The following PHPT1 variants were observed in gnomAD, a reference collection of about 807,000 sequenced individuals.
PHPT1 encodes the protein phosphohistidine phosphatase 1.
A neutral mutation model predicts 15.6 loss-of-function variants in PHPT1; 16 were observed. The ratio of observed to expected loss-of-function variants is 1.03; its 90% CI spans 0.70 to 1.56. The LOEUF is 1.56. Ranked by LOEUF, PHPT1 falls within the 40% of genes most tolerant of loss-of-function variation. PHPT1 has a pLI of 0.00. For missense variants in PHPT1, 228 were observed against 171.0 expected, an observed-to-expected ratio of 1.33 and a Z score of -1.86; for synonymous variants, 102 against 68.1, an observed-to-expected ratio of 1.50 and a Z score of -2.45.
chr9:136,850,411 C>T (rs931402345), intron 2 of PHPT1: 29 of 1,174,946 alleles, frequency 2.5e-5, no homozygotes, highest in African/African-American at 1.2e-4. Context: ...CTCTAGCTGT[C>T]CTCCAGCACT....
chr9:136,850,623 G>C, intron 2 of PHPT1, 132 bp from the exon 3 acceptor site: 1 of 1,540,870 alleles, frequency 6.5e-7, no homozygotes, highest in Non-Finnish European at 8.9e-7. Context: ...CGGGATGGTG[G>C]GTTTGGCATC....
intron 2 of PHPT1, 200 bp downstream of exon 2, chr9:136,850,337 T>G (rs1309322463): frequency 2.4e-6 from 2 of 838,642 alleles, no homozygotes; most frequent in Non-Finnish European, 1.9e-6. Context: ...ACCTGAGGGG[T>G]GGGACGGACA....
rs745638914 is a variant in PHPT1 at position 136,850,802 on chromosome 9, C to G, written c.333C>G (p.Ala111=). The G allele has an allele frequency of 7.4e-6, 12 of 1,613,150 alleles. No individual in the cohort carries two copies. Among genetic ancestry groups the G allele is most frequent in the African/African-American group, 1.3e-5 (1 of 74,932 alleles). The change falls in exon 3 of 3, where the codon GCC becomes GCG. Residue 111 remains alanine (A), a synonymous_variant. Transcript: ENST00000247665. The part of the protein sequence containing the change: ...QHAISTEKIK[A]KYPDYEVTWA... Reference sequence around the variant, plus strand: ...CCATTTCAACTGAGAAAATCAAAGCCAAGTACCCCGACTACGAGGTCACCT... The same window carrying G: ...CCATTTCAACTGAGAAAATCAAAGCGAAGTACCCCGACTACGAGGTCACCT...
intron 2 of PHPT1, 192 bp downstream of exon 2, chr9:136,850,329 C>A (rs1387653825): frequency 2.3e-6 from 2 of 859,686 alleles, no homozygotes; most frequent in Non-Finnish European, 3.7e-6. Context: ...CACGCCAGAC[C>A]TGAGGGGTGG....
At chr9:136,850,317 C>A in intron 2 of PHPT1, 180 bp downstream of exon 2, 1 of 875,850 alleles carries the variant, frequency 1.1e-6, no homozygotes, top group Non-Finnish European at 1.8e-6. Flanking sequence ...CCCCATGGAG[C>A]ACACGCCAGA....
chr9:136,850,930 C>T lies in PHPT1; in HGVS notation c.*83C>T. On this transcript the variant is annotated 3_prime_UTR_variant, in exon 3 of 3. Coordinates refer to ENST00000247665, the MANE Select transcript of PHPT1 (RefSeq NM_014172.6). ...CCTGCACTCCTCTTGCAGGGCTGGC[C>T]CTGCCTGCTCCTGCGGCAGCCTCTG... 1.0e-6 allele frequency: 1 copy of T among 1,003,088 alleles called. No homozygotes were observed. Among genetic ancestry groups the T allele is most frequent in the South Asian group, 1.3e-5 (1 of 78,848 alleles). The allele number at this position is 1,003,088 out of a possible 1,614,324, so 62.1% of individuals were successfully genotyped here.
At position 136,849,516 on chromosome 9, in the gene PHPT1, C is replaced by T. The variant is rs759358843; in HGVS notation, c.86C>T (p.Ser29Leu). 1.3e-5 allele frequency: 21 copies of T among 1,611,248 alleles called. No homozygotes were observed. The highest frequency in any genetic ancestry group is 4.0e-5 in the African/African-American group (3 of 74,848). The stretch of plus-strand genomic sequence containing the variant: ...AAGTATGTGCTGATCCGAGTCCACT[C>T]GGCTCCCCGCTCCGGGGCTCCGGCT... ...VFKYVLIRVH[S>L]APRSGAPAAE... Residue 29 changes from serine (S) to leucine (L), a missense_variant, in exon 1 of 3, where the codon TCG (serine) becomes TTG (leucine). Physicochemically the swap from Ser to Leu is moderately radical, Grantham distance 145. Transcript: ENST00000247665.
chr9:136,849,749 CT>C (rs1848858389), intron 1 of PHPT1, 159 bp downstream of exon 1: 5 of 806,464 alleles, frequency 6.2e-6, no homozygotes, highest in Non-Finnish European at 9.2e-6. Flanking sequence ...AGTCCTGCCC[CT>C]GCTAGGTTTG....
In PHPT1 at chr9:136,850,440, G is replaced by GT. The variant is rs1848883067; in HGVS notation, c.285+303_285+304insT. 2.8e-6 allele frequency: 4 copies of GT among 1,436,122 alleles called. No homozygotes were observed. In the Middle Eastern group the frequency reaches 5.2e-4, roughly 187 times the overall value. 89.0% of individuals were successfully genotyped at this position (1,436,122 alleles called of 1,614,324 possible). On this transcript the variant is annotated intron_variant, in intron 2 of 2. Transcript: ENST00000247665. ...CAGCACTTTGGGCCCTGGGCCCCCA[G>GT]AGGCAGTCAGTACCTGGGTGGAGCT...
chr9:136,849,592 TG>T lies in PHPT1; in HGVS notation c.160+3del. The T allele has an allele frequency of 6.5e-7, 1 of 1,535,668 alleles. No individual in the cohort carries two copies. The highest frequency in any genetic ancestry group is 8.8e-7 in the Non-Finnish European group (1 of 1,141,420). On this transcript the variant is annotated splice_donor_region_variant and intron_variant, in intron 1 of 2. Coordinates refer to ENST00000247665, the MANE Select transcript of PHPT1 (RefSeq NM_014172.6). ...GCTACAAGTGGGCTGAGTACCATGGTGAGGGCGGGACCTGCGGGCATGCCAG... is the reference window on the plus strand; with the variant it reads ...GCTACAAGTGGGCTGAGTACCATGGTAGGGCGGGACCTGCGGGCATGCCAG...
chr9:136,850,315 A>C (rs1379989170), intron 2 of PHPT1, 178 bp downstream of exon 2: 3 of 871,932 alleles, frequency 3.4e-6, no homozygotes, highest in Non-Finnish European at 5.4e-6. Context: ...TCCCCCATGG[A>C]GCACACGCCA....
intron 1 of PHPT1, 122 bp from the exon 2 acceptor site, chr9:136,849,891 C>A: frequency 9.5e-7 from 1 of 1,054,030 alleles, no homozygotes; most frequent in Non-Finnish European, 1.4e-6. Context: ...CCTCAAGGGG[C>A]TTCGTCTCTC....
At chr9:136,850,170 G>T (rs764965577) in intron 2 of PHPT1, 33 bp downstream of exon 2, 28 of 1,612,478 alleles carry the variant, frequency 1.7e-5, no homozygotes, top group Non-Finnish European at 2.4e-5. Flanking sequence ...CCTGCCGGAG[G>T]CCCCAGTACC....
chr9:136,850,899 C>A lies in PHPT1; in HGVS notation c.*52C>A. 7.4e-7 allele frequency: 1 copy of A among 1,351,120 alleles called. No individual in the cohort carries two copies. Among genetic ancestry groups the A allele is most frequent in the South Asian group, 1.2e-5 (1 of 85,944 alleles). 83.7% of individuals were successfully genotyped at this position (1,351,120 alleles called of 1,614,324 possible). On this transcript the variant is annotated 3_prime_UTR_variant, in exon 3 of 3. Coordinates refer to ENST00000247665, the MANE Select transcript of PHPT1 (RefSeq NM_014172.6). ...TCCAGCAGCCACTTCAGAGCCCCCG[C>A]CTTTGCCTGCACTCCTCTTGCAGGG...
At chr9:136,850,367 G>T (rs1404316651) in intron 2 of PHPT1, 1 of 881,828 alleles carries the variant, frequency 1.1e-6, no homozygotes, top group Admixed American at 2.3e-5. Flanking sequence ...ATGGCCGGCT[G>T]TCTCCTCTCC....
Position 136,849,842 on chromosome 9 carries a change from C to T in PHPT1, c.161-171C>T, listed in dbSNP as rs570318363. On this transcript the variant is annotated intron_variant, in intron 1 of 2. Transcript: ENST00000247665. ...CAGTCTCCCAGTTCCCGCGCCCTCC[C>T]CGGTTCCACCCTCCTTCGCTCATTC... 1.5e-5 allele frequency: 12 copies of T among 791,920 alleles called. No homozygotes were observed. The African/African-American group carries it at 1.7e-4, about 11-fold the overall frequency. 49.1% of individuals were successfully genotyped at this position (791,920 alleles called of 1,614,324 possible).
Position 136,849,413 on chromosome 9 carries a change from G to A in PHPT1, c.-18G>A, listed in dbSNP as rs776008720. On this transcript the variant is annotated 5_prime_UTR_variant, in exon 1 of 3. Coordinates refer to ENST00000247665, the MANE Select transcript of PHPT1 (RefSeq NM_014172.6). ...GCCCCCGGGTCGGGTGGGAGGAGGG[G>A]ACTCCGGGAGGAGGAACATGGCGGT... is the stretch of plus-strand genomic sequence containing the variant. 5.0e-6 allele frequency: 8 copies of A among 1,585,852 alleles called. No homozygotes were observed. The highest frequency in any genetic ancestry group is 6.0e-6 in the Non-Finnish European group (7 of 1,165,310).
intron 1 of PHPT1, 61 bp from the exon 2 acceptor site, chr9:136,849,952 G>T (rs1173306239): frequency 6.4e-7 from 1 of 1,554,808 alleles, no homozygotes; most frequent in Non-Finnish European, 8.7e-7. Flanking sequence ...TCGGCTGGGA[G>T]TTCCTCCCGC....
chr9:136,849,430 C>G lies in PHPT1; in HGVS notation c.-1C>G. 1 of 1,593,154 alleles carries G rather than the reference C, an allele frequency of 6.3e-7. No individual in the cohort carries two copies. The highest frequency in any genetic ancestry group is 8.5e-7 in the Non-Finnish European group (1 of 1,169,694). The stretch of plus-strand genomic sequence containing the variant: ...GAGGAGGGGACTCCGGGAGGAGGAA[C>G]ATGGCGGTGGCGGACCTCGCTCTCA... On this transcript the variant is annotated 5_prime_UTR_variant, in exon 1 of 3. Coordinates refer to ENST00000247665, the MANE Select transcript of PHPT1 (RefSeq NM_014172.6).
Sources: allele counts gnomAD v4.1 joint callset, GRCh38; gene constraint gnomAD v4.1.1; transcripts MANE v1.5; gene names NCBI Gene and HGNC (gene_info 2026-07-23, HGNC 2026-07-21).